TBX10: variants seen among roughly 807,000 people sequenced by gnomAD.
TBX10 encodes T-box transcription factor 10.
In TBX10, 26 loss-of-function variants were observed where a neutral mutation model predicts 32.4. The observed-to-expected ratio is 0.80, with a 90% CI of 0.59 to 1.11. TBX10 has a LOEUF of 1.11. Among genes scored for constraint, TBX10 ranks in the 50% most tolerant of loss-of-function variants. The pLI, the probability that TBX10 is intolerant of heterozygous loss-of-function variation, is 0.00. For missense variants in TBX10, 490 were observed against 494.5 expected (o/e 0.99, Z 0.09); for synonymous variants, 195 against 203.1 (o/e 0.96, Z 0.34).
Position 67,632,415 on chromosome 11 carries a change from G to T in TBX10, c.774-3C>A. ...GCAGGGGCCGTGGGGCCACAGGCCT[G>T]AAAGAGCAAGCGAGAATGGGGGGAG... On this transcript the variant is annotated splice_region_variant and splice_polypyrimidine_tract_variant and intron_variant, in intron 6 of 7. Transcript: ENST00000335385. 1 of 1,609,642 alleles carries T rather than the reference G, an allele frequency of 6.2e-7. No homozygotes were observed.
chr11:67,631,919 T>A (rs1225635000), intron 7 of TBX10, 25 bp from the exon 8 acceptor site: 20 of 1,557,514 alleles, frequency 1.3e-5, no homozygotes, highest in Non-Finnish European at 1.7e-5. Context: ...GAGTGGACTC[T>A]GGGCCTCCCA....
At position 67,634,917 on chromosome 11, in the gene TBX10, C is replaced by T. The variant is rs762147699; in HGVS notation, c.276G>A (p.Arg92=). Residue 92 remains arginine (R), a splice_region_variant and synonymous_variant, in exon 3 of 8, where the codon AGG becomes AGA. Transcript: ENST00000335385. ...TCACCTGGAAGGGGGGGAACATCCT[C>T]CTGCGGGAGGGAGGTGCTCAGCAGC... ...GTEMIVTKAG[R]RMFPPFQVKI... is the part of the protein sequence containing the mutation. The T allele has an allele frequency of 8.1e-6, 13 of 1,613,142 alleles. No homozygotes were observed. In the African/African-American group the frequency reaches 1.3e-4, roughly 17 times the overall value.
In TBX10 at chr11:67,631,555, A is replaced by T; in HGVS notation, c.*50T>A. The T allele has an allele frequency of 6.4e-7, 1 of 1,557,288 alleles. No individual in the cohort carries two copies. Among genetic ancestry groups the T allele is most frequent in the South Asian group, 1.2e-5 (1 of 85,682 alleles). ...GGGCGGGGCAGAGGCTGATTCCCAC[A>T]CCCGGTGTAAGGTCCAGGGTAGCAG... On this transcript the variant is annotated 3_prime_UTR_variant, in exon 8 of 8. Coordinates refer to ENST00000335385, the MANE Select transcript of TBX10 (RefSeq NM_005995.5).
chr11:67,637,381 G>T (rs944809819), intron 1 of TBX10, among the ~76,000 whole-genome samples: 3 of 152,116 alleles, frequency 2.0e-5, no homozygotes, highest in African/African-American at 7.2e-5. Flanking sequence ...TTGCAGAAAG[G>T]GTACACTCGC....
Position 67,632,432 on chromosome 11 carries a change from T to TG in TBX10, c.774-21dup, listed in dbSNP as rs150090306. 2.0e-3 allele frequency: 3,163 copies of TG among 1,607,066 alleles called. 61 individuals are homozygous for TG. The African/African-American group carries it at 0.036, about 18-fold the overall frequency. On this transcript the variant is annotated intron_variant, in intron 6 of 7. Coordinates refer to ENST00000335385, the MANE Select transcript of TBX10 (RefSeq NM_005995.5). ...ACAGGCCTGAAAGAGCAAGCGAGAA[T>TG]GGGGGGAGGGGATCAAGGGGAAGAA...
At chr11:67,639,393 T>TTGCCCCCCCCCCCCC in intron 1 of TBX10, 73 bp downstream of exon 1, 2 of 726,912 alleles carry the variant, frequency 2.8e-6, no homozygotes, top group Non-Finnish European at 5.0e-6. Context: ...CTGTCTTGGT[T>TTGCCCCCCCCCCCCC]CCCACCCTGC....
chr11:67,634,786 T>C, intron 3 of TBX10, 30 bp downstream of exon 3: 1 of 1,606,908 alleles, frequency 6.2e-7, no homozygotes, highest in South Asian at 1.1e-5. Flanking sequence ...ACCTGAGACC[T>C]GAGCCTTTGC....
intron 7 of TBX10, among the ~76,000 whole-genome samples, 158 bp downstream of exon 7, chr11:67,632,160 A>G (rs1855246543): frequency 6.6e-6 from 1 of 152,034 alleles, no homozygotes; most frequent in East Asian, 1.9e-4. Context: ...TGAGCCCCAT[A>G]TTGTCTTAGG....
intron 1 of TBX10, among the ~76,000 whole-genome samples, chr11:67,636,360 G>GGC (rs1855327863): frequency 6.6e-6 from 1 of 151,514 alleles, no homozygotes; most frequent in Admixed American, 6.6e-5. Flanking sequence ...TGGGATTACA[G>GGC]GTGTGAGCCA....
intron 1 of TBX10, among the ~76,000 whole-genome samples, chr11:67,635,756 G>C (rs1352032965): frequency 6.6e-6 from 1 of 152,110 alleles, no homozygotes; most frequent in East Asian, 1.9e-4. Context: ...TGCTGAAGGA[G>C]AGCTGAGCCA....
At chr11:67,634,734 C>G (rs577315922) in intron 3 of TBX10, 82 bp downstream of exon 3, 16 of 1,464,712 alleles carry the variant, frequency 1.1e-5, no homozygotes, top group Non-Finnish European at 1.4e-5. Flanking sequence ...AGGCCCCTGC[C>G]TCACCTTGGG....
Position 67,639,648 on chromosome 11 carries a change from G to A in TBX10, c.-176C>T, listed in dbSNP as rs147733326. 17,170 of 808,406 alleles carry A rather than the reference G, an allele frequency of 0.021. 2,115 individuals carry two copies. In the Admixed American group the frequency reaches 0.26, roughly 12 times the overall value. The allele number at this position is 808,406 out of a possible 1,614,324, so 50.1% of individuals were successfully genotyped here. On this transcript the variant is annotated 5_prime_UTR_variant, in exon 1 of 8. It adds an upstream start codon to the 5' untranslated region. Transcript: ENST00000335385. ...GTCCTTGCCTCCTCGATCGCCCTTC[G>A]TCCACGTCCTGAGGTCGTGGTCTTC...
At chr11:67,640,660 G>A (rs1333767404), upstream of TBX10, among the ~76,000 whole-genome samples, 1 of 152,214 alleles carries the variant, frequency 6.6e-6, no homozygotes, top group African/African-American at 2.4e-5. Context: ...CTGGCCTTTT[G>A]ACTCTTGCTG....
In TBX10 at chr11:67,638,596, C is replaced by A. The variant is rs1384395116; in HGVS notation, c.7+870G>T. On this transcript the variant is annotated intron_variant, in intron 1 of 7. Transcript: ENST00000335385. ...CTGCTGAGGTACCAGGTGGACGGCACCTGGCCAGGGTGAGCTCTTAGTAGG... is the reference window on the plus strand; with the variant it reads ...CTGCTGAGGTACCAGGTGGACGGCAACTGGCCAGGGTGAGCTCTTAGTAGG... 2.0e-5 allele frequency among the ~76,000 whole-genome samples: 3 copies of A among 152,302 alleles called. No individual in the cohort carries two copies. In the Middle Eastern group the frequency reaches 0.01, roughly 518 times the overall value.
At chr11:67,640,082 G>C (rs1855384017), upstream of TBX10, among the ~76,000 whole-genome samples, 1 of 152,174 alleles carries the variant, frequency 6.6e-6, no homozygotes, top group Admixed American at 6.5e-5. Flanking sequence ...CCAGACCCCT[G>C]ACCTGAGGCT....
At chr11:67,635,948 C>G (rs1319712905) in intron 1 of TBX10, among the ~76,000 whole-genome samples, 3 of 151,904 alleles carry the variant, frequency 2.0e-5, no homozygotes, top group Non-Finnish European at 4.4e-5. Context: ...CACCCTTCAC[C>G]CCTCCAATTA....
intron 6 of TBX10, 68 bp from the exon 7 acceptor site, chr11:67,632,480 G>T: frequency 6.3e-7 from 1 of 1,585,326 alleles, no homozygotes. Context: ...ATCATGGCCA[G>T]CTTCAGATGG....
rs144542807 is a variant in TBX10, at chr11:67,634,902, G to C, written c.291C>G (p.Pro97=). ...VTKAGRRMFP[P]FQVKILGMDS... is the part of the protein sequence containing the mutation. ...CCATGCCCAGGATCTTCACCTGGAAGGGGGGGAACATCCTCCTGCGGGAGG... is the reference window on the plus strand; with the variant it reads ...CCATGCCCAGGATCTTCACCTGGAACGGGGGGAACATCCTCCTGCGGGAGG... Residue 97 remains proline, a synonymous_variant, in exon 3 of 8, where the codon CCC becomes CCG. Coordinates refer to ENST00000335385, the MANE Select transcript of TBX10 (RefSeq NM_005995.5). 6.5e-5 allele frequency: 104 copies of C among 1,612,080 alleles called. No individual in the cohort carries two copies. The South Asian group carries it at 7.9e-4, about 12-fold the overall frequency.
Position 67,632,527 on chromosome 11 carries a change from A to G in TBX10, c.773+76T>C, listed in dbSNP as rs999334474. The G allele has an allele frequency of 1.9e-6, 3 of 1,585,778 alleles. No homozygotes were observed. The East Asian group carries it at 6.7e-5, about 36-fold the overall frequency. Reference sequence around the variant, plus strand: ...GATGGGTCAGAGGGTGTGACCCTGAAACAAGGGTCAGGAACTGAGGCCTTA... The same window carrying G: ...GATGGGTCAGAGGGTGTGACCCTGAGACAAGGGTCAGGAACTGAGGCCTTA... On this transcript the variant is annotated intron_variant, in intron 6 of 7. Coordinates refer to ENST00000335385, the MANE Select transcript of TBX10 (RefSeq NM_005995.5).
Sources: gnomAD v4.1 joint callset for allele counts (sites outside exome capture counted in the v4.1 genomes callset) on GRCh38, gnomAD v4.1.1 for gene constraint, MANE v1.5 for transcripts, NCBI Gene and HGNC (gene_info 2026-07-23, HGNC 2026-07-21) for gene names.